Variants in UBE2E2 observed in about 807,000 individuals in gnomAD.
UBE2E2 encodes ubiquitin conjugating enzyme E2 E2, also known as ubiquitin-conjugating enzyme E2 E2.
Under a neutral mutation model 24.7 loss-of-function variants are expected in UBE2E2, and 6 were observed. The observed-to-expected ratio is 0.24, with a 90% CI of 0.13 to 0.48. The LOEUF is 0.48. Ranked by LOEUF, UBE2E2 falls within the 20% of genes least tolerant of loss-of-function variation. The pLI is 0.99. For synonymous variants in UBE2E2, 104 were observed against 83.6 expected, an observed-to-expected ratio of 1.24 and a Z score of -1.33; for missense variants, 169 against 245.0, an observed-to-expected ratio of 0.69 and a Z score of 2.07.
At chr3:23,205,850 A>G (rs1696130997) in intron 1 of UBE2E2, among the ~76,000 whole-genome samples, 1 of 152,110 alleles carries the variant, frequency 6.6e-6, no homozygotes, top group Admixed American at 6.5e-5. Context: ...TGAGTTTCAG[A>G]TTATGGCTCA....
At chr3:23,427,726 A>T (rs1697961401) in intron 3 of UBE2E2, among the ~76,000 whole-genome samples, 1 of 152,214 alleles carries the variant, frequency 6.6e-6, no homozygotes, top group Non-Finnish European at 1.5e-5. Flanking sequence ...CTGGGGAAAG[A>T]TATACTATGC....
chr3:23,550,609 A>G (rs1453437082), intron 5 of UBE2E2, among the ~76,000 whole-genome samples: 1 of 152,194 alleles, frequency 6.6e-6, no homozygotes, highest in Non-Finnish European at 1.5e-5. Flanking sequence ...GCTTCTGGCC[A>G]TGAAGAATAA....
chr3:23,584,834 A>T (rs1324548881), intron 5 of UBE2E2, among the ~76,000 whole-genome samples: 2 of 151,086 alleles, frequency 1.3e-5, no homozygotes, highest in Non-Finnish European at 2.9e-5. Flanking sequence ...AACCTCCCAA[A>T]GTGCTGAGAT....
At chr3:23,385,248 G>A (rs535898914) in intron 3 of UBE2E2, among the ~76,000 whole-genome samples, 2 of 152,252 alleles carry the variant, frequency 1.3e-5, no homozygotes, top group African/African-American at 4.8e-5. Flanking sequence ...TTAGGATCAT[G>A]TTCTTTTCAG....
intron 5 of UBE2E2, among the ~76,000 whole-genome samples, chr3:23,540,589 G>A (rs963718310): frequency 1.1e-4 from 16 of 152,122 alleles, no homozygotes; most frequent in African/African-American, 3.4e-4. Context: ...ATTTTTAGTA[G>A]AGACGGGGTT....
chr3:23,241,526 T>G (rs1179626802), intron 3 of UBE2E2, among the ~76,000 whole-genome samples: 1 of 152,158 alleles, frequency 6.6e-6, no homozygotes, highest in Admixed American at 6.5e-5. Context: ...GCCTCTTCCC[T>G]GTCCCTCAAA....
rs1173611447 is a variant in UBE2E2 at position 23,408,000 on chromosome 3, C to G, written c.228-91608C>G. Among the ~76,000 whole-genome samples, 1 of 151,790 alleles carries G rather than the reference C, an allele frequency of 6.6e-6. No individual in the cohort carries two copies. The highest frequency in any genetic ancestry group is 1.5e-5 in the Non-Finnish European group (1 of 67,954). Reference sequence around the variant, plus strand: ...TTCTGGTGGGGGCGGGGGAGATGGGCTTTTATTAAAAAATACAATGTCACT... The same window carrying G: ...TTCTGGTGGGGGCGGGGGAGATGGGGTTTTATTAAAAAATACAATGTCACT... On this transcript the variant is annotated intron_variant, in intron 3 of 5. Coordinates refer to ENST00000396703, the MANE Select transcript of UBE2E2 (RefSeq NM_152653.4). This position sits in a 1 kb window ranked among gnomAD's most constrained non-coding sequence, Gnocchi z 4.0.
intron 3 of UBE2E2, among the ~76,000 whole-genome samples, chr3:23,487,462 A>G (rs928080079): frequency 6.6e-6 from 1 of 152,198 alleles, no homozygotes; most frequent in Non-Finnish European, 1.5e-5. Flanking sequence ...TTCACAGAGC[A>G]TGCAGCCCCA....
chr3:23,426,133 C>G (rs1181724477), intron 3 of UBE2E2, among the ~76,000 whole-genome samples: 3 of 152,000 alleles, frequency 2.0e-5, no homozygotes, highest in Admixed American at 2.0e-4. Context: ...CATTGGTAGA[C>G]TTGACACAGC....
chr3:23,538,863 C>T (rs575797908), intron 5 of UBE2E2, among the ~76,000 whole-genome samples: 4 of 152,188 alleles, frequency 2.6e-5, no homozygotes, highest in African/African-American at 7.2e-5. Flanking sequence ...GGATTATTTC[C>T]CTACTTTGTC....
chr3:23,207,004 T>C (rs185153301), intron 1 of UBE2E2, among the ~76,000 whole-genome samples: 1 of 152,328 alleles, frequency 6.6e-6, no homozygotes, highest in Non-Finnish European at 1.5e-5. Flanking sequence ...TATTTTTTGC[T>C]GTTAATGGTA....
In UBE2E2 at chr3:23,291,849, A is replaced by ATTTTTTTTTTTT. The variant is rs57708620; in HGVS notation, c.227+74553_227+74564dup. 3.7e-4 allele frequency among the ~76,000 whole-genome samples: 24 copies of ATTTTTTTTTTTT among 64,036 alleles called. 1 individual carries two copies. The highest frequency in any genetic ancestry group is 1.6e-3 in the African/African-American group (23 of 14,034). 42.0% of individuals were successfully genotyped at this position (64,036 alleles called of 152,430 possible). ...AGATGTGTGCCACCATGCCCGGCTA[A>ATTTTTTTTTTTT]TTTTTTTTTTTTTTTTTTTTTTTTT... On this transcript the variant is annotated intron_variant, in intron 3 of 5. Transcript: ENST00000396703.
In UBE2E2 at chr3:23,485,815, T is replaced by C. The variant is rs541294223; in HGVS notation, c.228-13793T>C. Among the ~76,000 whole-genome samples the C allele has an allele frequency of 4.6e-5, 7 of 152,324 alleles. No individual in the cohort carries two copies. In the East Asian group the frequency reaches 1.2e-3, roughly 25 times the overall value. On this transcript the variant is annotated intron_variant, in intron 3 of 5. Coordinates refer to ENST00000396703, the MANE Select transcript of UBE2E2 (RefSeq NM_152653.4). Reference sequence around the variant, plus strand: ...AAGTATGGGGGACAGAGAGAGACATTAGCATGCAAGATGTCATACAGCTGG... The same window carrying C: ...AAGTATGGGGGACAGAGAGAGACATCAGCATGCAAGATGTCATACAGCTGG...
At position 23,405,043 on chromosome 3, in the gene UBE2E2, A is replaced by G. The variant is rs564468752; in HGVS notation, c.228-94565A>G. ...CTGAAATGTGTGGAACAAAGCTGGA[A>G]TTTAATTGACAGTTGCTGCTGCTGT... On this transcript the variant is annotated intron_variant, in intron 3 of 5. Coordinates refer to ENST00000396703, the MANE Select transcript of UBE2E2 (RefSeq NM_152653.4). Among the ~76,000 whole-genome samples the G allele has an allele frequency of 3.9e-5, 6 of 152,348 alleles. No individual in the cohort carries two copies. The South Asian group carries it at 1.2e-3, about 32-fold the overall frequency.
Position 23,563,048 on chromosome 3 carries a change from G to GT in UBE2E2, c.509-26680dup, listed in dbSNP as rs763727331. ...CCTGGATTCATTGATTTTTTGAAGG[G>GT]TTTTTTGTGTCTCTATCTCCTTCAG... is the stretch of plus-strand genomic sequence containing the variant. On this transcript the variant is annotated intron_variant, in intron 5 of 5. Transcript: ENST00000396703. Among the ~76,000 whole-genome samples the GT allele has an allele frequency of 1.7e-4, 26 of 152,096 alleles. No homozygotes were observed. In the South Asian group the frequency reaches 2.1e-3, roughly 12 times the overall value.
At position 23,589,351 on chromosome 3, in the gene UBE2E2, A is replaced by G; in HGVS notation, c.509-383A>G. Among the ~76,000 whole-genome samples the G allele has an allele frequency of 6.6e-6, 1 of 151,680 alleles. No individual in the cohort carries two copies. Among genetic ancestry groups the G allele is most frequent in the Admixed American group, 6.6e-5 (1 of 15,226 alleles). On this transcript the variant is annotated intron_variant, in intron 5 of 5. Coordinates refer to ENST00000396703, the MANE Select transcript of UBE2E2 (RefSeq NM_152653.4). The surrounding 1 kb of genome is among the most constrained non-coding windows in gnomAD (Gnocchi z 4.1). Reference sequence around the variant, plus strand: ...AGGAGGAGGATTGCTTGATCCCAGGAGGTCAAGGCTACACTGAGCTGTGAT... The same window carrying G: ...AGGAGGAGGATTGCTTGATCCCAGGGGGTCAAGGCTACACTGAGCTGTGAT...
chr3:23,478,975 T>C (rs924979535), intron 3 of UBE2E2, among the ~76,000 whole-genome samples: 2 of 152,154 alleles, frequency 1.3e-5, no homozygotes, highest in Admixed American at 6.5e-5. Context: ...GGAGGATTGC[T>C]TGAGCCCAGG....
intron 3 of UBE2E2, chr3:23,271,176 T>C (rs764385846): frequency 1.5e-5 from 6 of 406,514 alleles, no homozygotes; most frequent in Non-Finnish European, 2.4e-5. Context: ...CTGGAATTGG[T>C]GGGTTCTTGG....
chr3:23,352,013 C>A (rs1227518909), intron 3 of UBE2E2, among the ~76,000 whole-genome samples: 1 of 152,092 alleles, frequency 6.6e-6, no homozygotes, highest in Non-Finnish European at 1.5e-5. Context: ...TGTAAAAGAA[C>A]AGAAATTATA....
Sources: gnomAD v4.1 joint callset for allele counts (sites outside exome capture counted in the v4.1 genomes callset) on GRCh38, gnomAD v4.1.1 for gene constraint, Gnocchi (gnomAD v3.1) non-coding constraint, MANE v1.5 for transcripts, NCBI Gene and HGNC (gene_info 2026-07-23, HGNC 2026-07-21) for gene names.